Variants in DPP8 observed in about 807,000 individuals in gnomAD.
DPP8 encodes the protein dipeptidyl peptidase 8.
Under a neutral mutation model 107.5 loss-of-function variants are expected in DPP8, and 31 were observed. The ratio of observed to expected loss-of-function variants is 0.29; its 90% confidence interval spans 0.22 to 0.39. The LOEUF (loss-of-function observed/expected upper bound fraction) is 0.39. DPP8 is among the 10% of genes least tolerant of loss of function. The pLI, the probability that DPP8 is intolerant of heterozygous loss-of-function variation, is 1.00. For synonymous variants in DPP8, 381 were observed against 356.6 expected (o/e 1.07, Z -0.77); for missense variants, 842 against 1,076.1 (o/e 0.78, Z 3.04).
Position 65,464,960 on chromosome 15 carries a change from C to T in DPP8, c.1826-1054G>A, listed in dbSNP as rs1395787852. 3.9e-5 allele frequency among the ~76,000 whole-genome samples: 6 copies of T among 151,992 alleles called. No homozygotes were observed. In the East Asian group the frequency reaches 1.2e-3, roughly 29 times the overall value. On this transcript the variant is annotated intron_variant, in intron 14 of 19. Transcript: ENST00000300141. ...GTGACCAAAAACATTTGCTTCTGAT[C>T]ATTAGAAAATAAGCCTAACCAGAAC...
At chr15:65,467,372 A>AT in intron 12 of DPP8, 149 bp from the exon 13 acceptor site, 1 of 722,804 alleles carries the variant, frequency 1.4e-6, no homozygotes, top group Non-Finnish European at 2.2e-6. Flanking sequence ...ACCTGAGTTA[A>AT]TTTTGCTTAT....
intron 5 of DPP8, among the ~76,000 whole-genome samples, chr15:65,497,084 T>TACAGTGAGCCAAGA (rs2068681213): frequency 6.6e-6 from 1 of 151,976 alleles, no homozygotes; most frequent in Non-Finnish European, 1.5e-5. Context: ...GAGACAGGGT[T>TACAGTGAGCCAAGA]TCATCACGTT....
At position 65,478,844 on chromosome 15, in the gene DPP8, A is replaced by T. The variant is rs898906816; in HGVS notation, c.1456+36T>A. The T allele has an allele frequency of 1.1e-5, 17 of 1,495,594 alleles. No individual in the cohort carries two copies. The Admixed American group carries it at 2.4e-4, about 21-fold the overall frequency. The allele number at this position is 1,495,594 out of a possible 1,614,324, so 92.6% of individuals were successfully genotyped here. ...GTCCCTCCCACCTTCTGCTTCCAAC[A>T]TTTTTTCTTTTTTTAAAATAAAATG... On this transcript the variant is annotated intron_variant, in intron 11 of 19. Transcript: ENST00000300141.
chr15:65,485,690 T>C (rs1463851875), intron 7 of DPP8, among the ~76,000 whole-genome samples: 2 of 149,244 alleles, frequency 1.3e-5, no homozygotes, highest in African/African-American at 2.5e-5. Context: ...AGGCATGCTG[T>C]CTCACGCCTG....
Position 65,478,805 on chromosome 15 carries a change from A to C in DPP8, c.1456+75T>G, listed in dbSNP as rs527724602. On this transcript the variant is annotated intron_variant, in intron 11 of 19. Transcript: ENST00000300141. ...TATTGATGCTTATAAAGCATGCAAA[A>C]GATACATTCCCCTGTCCCTCCCACC... 24 of 1,041,694 alleles carry C rather than the reference A, an allele frequency of 2.3e-5. No homozygotes were observed. The African/African-American group carries it at 3.8e-4, about 16-fold the overall frequency. 64.5% of individuals were successfully genotyped at this position (1,041,694 alleles called of 1,614,324 possible). A position where few individuals can be genotyped will look rare whatever the true frequency, so the allele number is the denominator to read the frequency against.
At position 65,467,199 on chromosome 15, in the gene DPP8, G is replaced by A. The variant is rs1403817884; in HGVS notation, c.1561C>T (p.Leu521=). The A allele has an allele frequency of 6.2e-7, 1 of 1,614,042 alleles. No individual in the cohort carries two copies. Among genetic ancestry groups the A allele is most frequent in the Non-Finnish European group, 8.5e-7 (1 of 1,180,004 alleles). Residue 521 remains leucine (L), a synonymous_variant, in exon 13 of 20, where the codon CTG becomes TTG. Transcript: ENST00000300141. ...TCTTTGGTGCCTTCAAAATATACCAGCCTTCTGACTTCATCAACTTGGATC... is the reference window on the plus strand; with the variant it reads ...TCTTTGGTGCCTTCAAAATATACCAACCTTCTGACTTCATCAACTTGGATC... ...SNIQVDEVRR[L]VYFEGTKDSP...
At chr15:65,505,083 C>T (rs546129897) in intron 3 of DPP8, among the ~76,000 whole-genome samples, 6 of 151,874 alleles carry the variant, frequency 4.0e-5, no homozygotes, top group South Asian at 4.2e-4. Flanking sequence ...GGGCCGGGCG[C>T]GGTGGCTCAC....
intron 6 of DPP8, among the ~76,000 whole-genome samples, chr15:65,488,896 G>C (rs2067712334): frequency 6.6e-6 from 1 of 152,076 alleles, no homozygotes; most frequent in South Asian, 2.1e-4. Flanking sequence ...ATACTGATTT[G>C]GTCATCTGTT....
intron 5 of DPP8, among the ~76,000 whole-genome samples, chr15:65,497,409 C>T (rs559005548): frequency 5.3e-5 from 8 of 152,078 alleles, no homozygotes; most frequent in Non-Finnish European, 8.8e-5. Context: ...CATGCCACTA[C>T]GCTCAGCTAA....
chr15:65,499,743 T>C (rs957730123), intron 4 of DPP8, among the ~76,000 whole-genome samples: 2 of 151,682 alleles, frequency 1.3e-5, no homozygotes, highest in African/African-American at 4.9e-5. Flanking sequence ...TTTTGCATTT[T>C]TTGTAGAGAT....
intron 17 of DPP8, among the ~76,000 whole-genome samples, chr15:65,453,749 C>G (rs2064168809): frequency 1.3e-5 from 2 of 151,808 alleles, no homozygotes; most frequent in South Asian, 2.1e-4. Context: ...CAACAAAAAA[C>G]AAACTTGAGA....
chr15:65,461,607 C>G (rs893958712), intron 15 of DPP8, among the ~76,000 whole-genome samples: 3 of 141,676 alleles, frequency 2.1e-5, no homozygotes, highest in Non-Finnish European at 3.1e-5. Flanking sequence ...TTCTATTAAG[C>G]CTTTTTTTTT....
At chr15:65,473,400 A>G (rs2140603747) in intron 12 of DPP8, among the ~76,000 whole-genome samples, 1 of 152,258 alleles carries the variant, frequency 6.6e-6, no homozygotes, top group Admixed American at 6.5e-5. Flanking sequence ...TAAACATGAC[A>G]TGAAAGAAAA....
intron 16 of DPP8, chr15:65,455,576 T>G: frequency 8.4e-6 from 7 of 834,152 alleles, no homozygotes; most frequent in Non-Finnish European, 1.1e-5. Context: ...CACCACCTTG[T>G]CTATATTACT....
chr15:65,476,682 C>T (rs1379867285), intron 11 of DPP8, among the ~76,000 whole-genome samples: 1 of 152,110 alleles, frequency 6.6e-6, no homozygotes, highest in Non-Finnish European at 1.5e-5. Context: ...CCAGAAATTC[C>T]ACTTTTGAGT....
At chr15:65,457,679 C>A (rs535535164) in intron 15 of DPP8, among the ~76,000 whole-genome samples, 10 of 152,284 alleles carry the variant, frequency 6.6e-5, no homozygotes, top group African/African-American at 2.2e-4. Context: ...TAGCACATCA[C>A]AGGAACTTAA....
rs541052343 is a variant in DPP8 at position 65,470,004 on chromosome 15, T to C, written c.1537-2781A>G. On this transcript the variant is annotated intron_variant, in intron 12 of 19. Coordinates refer to ENST00000300141, the MANE Select transcript of DPP8 (RefSeq NM_130434.5). ...CTGACGTCAGGAGTTCGAGACCAGCTTGGCCAACATGGCAAAACCCCATCT... is the reference window on the plus strand; with the variant it reads ...CTGACGTCAGGAGTTCGAGACCAGCCTGGCCAACATGGCAAAACCCCATCT... 2.3e-3 allele frequency among the ~76,000 whole-genome samples: 353 copies of C among 150,354 alleles called. 1 individual carries two copies. Among genetic ancestry groups the C allele is most frequent in the Non-Finnish European group, 3.9e-3 (265 of 67,460 alleles).
chr15:65,464,989 G>GA (rs1304979384), intron 14 of DPP8, among the ~76,000 whole-genome samples: 2 of 151,934 alleles, frequency 1.3e-5, no homozygotes, highest in African/African-American at 2.4e-5. Context: ...CCAGAACTCA[G>GA]AAAAAAGTCA....
At chr15:65,509,628 G>A (rs1291106489) in intron 2 of DPP8, among the ~76,000 whole-genome samples, 1 of 152,176 alleles carries the variant, frequency 6.6e-6, no homozygotes, top group Non-Finnish European at 1.5e-5. Context: ...GAAGTAAAAT[G>A]CTAATGTAAC....
Sources: gnomAD v4.1 joint callset for allele counts (sites outside exome capture counted in the v4.1 genomes callset) on GRCh38, gnomAD v4.1.1 for gene constraint, MANE v1.5 for transcripts, NCBI Gene and HGNC (gene_info 2026-07-23, HGNC 2026-07-21) for gene names.